TYW1B: variants seen among roughly 807,000 people sequenced by gnomAD.
TYW1B encodes S-adenosyl-L-methionine-dependent tRNA 4-demethylwyosine synthase TYW1B.
TYW1B carries 73 observed loss-of-function variants against 86.9 expected under a neutral mutation model. The observed-to-expected ratio is 0.84, with a 90% CI of 0.70 to 1.02. The LOEUF (loss-of-function observed/expected upper bound fraction) is 1.02. TYW1B is among the 50% of genes least tolerant of loss of function. TYW1B has a pLI of 0.00. For synonymous variants in TYW1B, 248 were observed against 292.8 expected (o/e 0.85, Z 1.56); for missense variants, 637 against 827.4 (o/e 0.77, Z 2.82).
intron 7 of TYW1B, among the ~76,000 whole-genome samples, chr7:72,766,210 G>T (rs1292398911): frequency 6.6e-6 from 1 of 152,224 alleles, no homozygotes; most frequent in Admixed American, 6.5e-5. Flanking sequence ...CTAATTCCCT[G>T]TGGTGATTTA....
chr7:72,628,055 G>T (rs1308946003), intron 12 of TYW1B, among the ~76,000 whole-genome samples: 2 of 152,172 alleles, frequency 1.3e-5, no homozygotes, highest in African/African-American at 4.8e-5. Context: ...ACTCTGAGAG[G>T]CCGAGGCAGG....
At chr7:72,788,676 GC>G (rs1788169081) in intron 6 of TYW1B, among the ~76,000 whole-genome samples, 1 of 152,094 alleles carries the variant, frequency 6.6e-6, no homozygotes, top group African/African-American at 2.4e-5. Context: ...GGGACTACAG[GC>G]ATGCGCCACC....
intron 7 of TYW1B, among the ~76,000 whole-genome samples, chr7:72,766,635 A>G (rs1271882029): frequency 5.0e-5 from 6 of 119,080 alleles, no homozygotes; most frequent in Middle Eastern, 5.4e-3. Flanking sequence ...AAAAAAAAAC[A>G]TAACTACAGG....
intron 6 of TYW1B, among the ~76,000 whole-genome samples, chr7:72,791,780 A>T (rs1788224439): frequency 6.6e-6 from 1 of 152,074 alleles, no homozygotes; most frequent in Non-Finnish European, 1.5e-5. Context: ...CGTCTTAAAC[A>T]AACAAACAAA....
chr7:72,618,072 C>T (rs1173826745), intron 12 of TYW1B, among the ~76,000 whole-genome samples: 2 of 151,896 alleles, frequency 1.3e-5, no homozygotes, highest in East Asian at 1.9e-4. Flanking sequence ...AATGATTCCG[C>T]TAAGTGGGGA....
chr7:72,802,793 G>A (rs1353498225), intron 5 of TYW1B, among the ~76,000 whole-genome samples: 1 of 151,956 alleles, frequency 6.6e-6, no homozygotes, highest in Non-Finnish European at 1.5e-5. Flanking sequence ...GCTAATTTTT[G>A]TAGTTTTAGT....
rs1467978611 is a variant in TYW1B at position 72,744,494 on chromosome 7, A to G, written c.1072T>C (p.Phe358Leu). ...PSLACANKCV[F>L]CWWHHNNPVG... ...TTCATTTTTACTTACCACCAACAGA[A>G]GACACATTTATTAGCACACGCCAAG... is the stretch of plus-strand genomic sequence containing the variant. Residue 358 changes from phenylalanine (F) to leucine (L), a missense_variant, in exon 8 of 14, where the codon TTC (phenylalanine) becomes CTC (leucine). Physicochemically the swap from Phe to Leu is conservative, Grantham distance 22 (BLOSUM62 0). Transcript: ENST00000620995. The G allele has an allele frequency of 1.9e-6, 3 of 1,613,424 alleles. No homozygotes were observed. In the African/African-American group the frequency reaches 4.0e-5, roughly 22 times the overall value.
intron 8 of TYW1B, among the ~76,000 whole-genome samples, chr7:72,741,967 C>A (rs1787311782): frequency 1.3e-5 from 2 of 152,114 alleles, no homozygotes; most frequent in South Asian, 4.1e-4. Flanking sequence ...AACAGACCTG[C>A]CCTACGATAA....
At position 72,810,553 on chromosome 7, in the gene TYW1B, C is replaced by T. The variant is rs782046046; in HGVS notation, c.350G>A (p.Arg117Gln). The T allele has an allele frequency of 4.3e-6, 7 of 1,613,878 alleles. No individual in the cohort carries two copies. The highest frequency in any genetic ancestry group is 5.9e-6 in the Non-Finnish European group (7 of 1,179,850). ...ACCCTTCAGGTAAGTTTTGCCAAAT[C>T]GAAAATCAATGGATGCTTCCTCTAA... ...KWLEEASIDFRFGKTYLKGMR... is the reference protein window; with the variant it reads ...KWLEEASIDFQFGKTYLKGMR... The change falls in exon 4 of 14, where the codon CGA becomes CAA. Residue 117 changes from arginine to glutamine, a missense_variant. By Grantham distance (43) the Arg-to-Gln change is conservative. Coordinates refer to ENST00000620995, the MANE Select transcript of TYW1B (RefSeq NM_001145440.3).
intron 5 of TYW1B, among the ~76,000 whole-genome samples, chr7:72,804,649 G>T (rs551164446): frequency 6.6e-6 from 1 of 152,296 alleles, no homozygotes; most frequent in African/African-American, 2.4e-5. Flanking sequence ...ATCAGCCTGG[G>T]CAACACAGTG....
chr7:72,715,993 C>T (rs1248641180), intron 9 of TYW1B, among the ~76,000 whole-genome samples: 2 of 152,194 alleles, frequency 1.3e-5, no homozygotes, highest in Non-Finnish European at 2.9e-5. Flanking sequence ...TGCAGTGGCA[C>T]AATCTCAGCT....
rs545038685 is a variant in TYW1B at position 72,815,084 on chromosome 7, A to G, written c.237+296T>C. On this transcript the variant is annotated intron_variant, in intron 3 of 13. Coordinates refer to ENST00000620995, the MANE Select transcript of TYW1B (RefSeq NM_001145440.3). ...ACTCCATCTCAAAAAAAAAAAAAAA[A>G]AAAAAAGAAAATTGTGGGAAGGAGT... Among the ~76,000 whole-genome samples the G allele has an allele frequency of 7.0e-5, 10 of 142,358 alleles. No individual in the cohort carries two copies. The East Asian group carries it at 1.2e-3, about 16-fold the overall frequency. 93.4% of individuals were successfully genotyped at this position (142,358 alleles called of 152,430 possible).
chr7:72,615,249 T>C (rs1396411880), intron 13 of TYW1B, among the ~76,000 whole-genome samples: 1 of 152,248 alleles, frequency 6.6e-6, no homozygotes, highest in Admixed American at 6.5e-5. Flanking sequence ...AGTAAAGGAT[T>C]AGACTAAAAT....
intron 13 of TYW1B, among the ~76,000 whole-genome samples, chr7:72,614,457 A>C (rs1313460683): frequency 6.6e-6 from 1 of 152,018 alleles, no homozygotes; most frequent in Non-Finnish European, 1.5e-5. Flanking sequence ...ACATGGTGAA[A>C]CCCTGTCTCT....
intron 13 of TYW1B, among the ~76,000 whole-genome samples, chr7:72,610,252 G>C (rs1180263356): frequency 6.6e-6 from 1 of 152,136 alleles, no homozygotes; most frequent in Non-Finnish European, 1.5e-5. Context: ...TTGGATGCTT[G>C]ACCATCTGTC....
chr7:72,810,015 A>C (rs1191244556), intron 4 of TYW1B, among the ~76,000 whole-genome samples: 40 of 151,286 alleles, frequency 2.6e-4, no homozygotes, highest in African/African-American at 7.5e-4. Flanking sequence ...AAAAAAAAAA[A>C]ACACAGAAGA....
At chr7:72,719,076 C>A (rs1554456822) in intron 9 of TYW1B, among the ~76,000 whole-genome samples, 2 of 152,032 alleles carry the variant, frequency 1.3e-5, no homozygotes, top group Non-Finnish European at 2.9e-5. Context: ...GGTGCCAGGC[C>A]CAGCACATAC....
chr7:72,801,326 T>A (rs1238034616), intron 6 of TYW1B, among the ~76,000 whole-genome samples: 1 of 152,068 alleles, frequency 6.6e-6, no homozygotes, highest in African/African-American at 2.4e-5. Context: ...GAGACTCCAT[T>A]TCAAAAAAAT....
intron 8 of TYW1B, among the ~76,000 whole-genome samples, chr7:72,741,033 A>G (rs2129571286): frequency 6.6e-6 from 1 of 152,168 alleles, no homozygotes; most frequent in East Asian, 1.9e-4. Flanking sequence ...CCAGGCCAAA[A>G]TATGCAGTTT....
Sources: gnomAD v4.1 joint callset for allele counts (sites outside exome capture counted in the v4.1 genomes callset) on GRCh38, gnomAD v4.1.1 for gene constraint, MANE v1.5 for transcripts, NCBI Gene and HGNC (gene_info 2026-07-23, HGNC 2026-07-21) for gene names.